MYPN: variants seen among roughly 807,000 people sequenced by gnomAD.
The protein encoded by MYPN is sarcomeric protein myopalladin, 145 kDa (MYOP).
In MYPN, 63 loss-of-function variants were observed where a neutral mutation model predicts 129.4. The ratio of observed to expected loss-of-function variants is 0.49; its 90% CI spans 0.40 to 0.60. The LOEUF (loss-of-function observed/expected upper bound fraction) is 0.60, where lower values mean the gene tolerates loss of function less well. MYPN is among the 20% of genes least tolerant of loss of function. MYPN has a pLI of 0.00. For missense variants in MYPN, 1,596 were observed against 1,635.4 expected (o/e 0.98, Z 0.42); for synonymous variants, 629 against 600.9 (o/e 1.05, Z -0.68).
intron 1 of MYPN, among the ~76,000 whole-genome samples, chr10:68,117,280 CA>C (rs1326746300): frequency 8.0e-6 from 1 of 125,564 alleles, no homozygotes; most frequent in African/African-American, 3.6e-5. Flanking sequence ...TTCTAATGAA[CA>C]CATAAATTCA....
chr10:68,175,625 TG>T (rs751655247), intron 12 of MYPN, among the ~76,000 whole-genome samples, 164 bp downstream of exon 12: 32 of 152,198 alleles, frequency 2.1e-4, no homozygotes, highest in Non-Finnish European at 3.5e-4. Context: ...CCTGCCTGTG[TG>T]GATCTGCGGT....
chr10:68,191,178 G>A (rs755800940), intron 13 of MYPN, among the ~76,000 whole-genome samples: 2 of 150,548 alleles, frequency 1.3e-5, no homozygotes, highest in Non-Finnish European at 3.0e-5. Context: ...GTGGTCTTTT[G>A]TGATTCCATA....
chr10:68,136,094 T>C (rs905339406), intron 2 of MYPN: 4 of 315,850 alleles, frequency 1.3e-5, no homozygotes, highest in African/African-American at 6.8e-5. Context: ...ATAATATTTA[T>C]CCAAGCCATA....
chr10:68,145,114 T>A (rs924785214), intron 3 of MYPN, among the ~76,000 whole-genome samples: 3 of 151,182 alleles, frequency 2.0e-5, no homozygotes, highest in African/African-American at 7.3e-5. Flanking sequence ...AACCTCCGCC[T>A]CCCGGGTTCA....
intron 6 of MYPN, among the ~76,000 whole-genome samples, chr10:68,156,321 C>T (rs1402187547): frequency 6.6e-6 from 1 of 152,162 alleles, no homozygotes; most frequent in African/African-American, 2.4e-5. Context: ...ACACAATTTG[C>T]TCAGAGGTCA....
chr10:68,112,333 CAT>C (rs773860555), intron 1 of MYPN, among the ~76,000 whole-genome samples: 16 of 152,332 alleles, frequency 1.1e-4, no homozygotes, highest in Admixed American at 6.5e-4. Context: ...CGCTTCCCTA[CAT>C]GTTTGTCATC....
At chr10:68,088,777 C>T (rs1407542960) in intron 1 of MYPN, among the ~76,000 whole-genome samples, 1 of 152,112 alleles carries the variant, frequency 6.6e-6, no homozygotes, top group African/African-American at 2.4e-5. Flanking sequence ...ATACACCATA[C>T]AATTCACCTG....
chr10:68,150,579 C>T (rs938309183), intron 6 of MYPN, among the ~76,000 whole-genome samples: 1 of 152,132 alleles, frequency 6.6e-6, no homozygotes, highest in Non-Finnish European at 1.5e-5. Flanking sequence ...GTTGAGGTGG[C>T]ATCAAATTCT....
intron 5 of MYPN, among the ~76,000 whole-genome samples, chr10:68,148,820 A>G (rs1226059318): frequency 6.6e-6 from 1 of 152,232 alleles, no homozygotes; most frequent in African/African-American, 2.4e-5. Context: ...GCTGCAGAGA[A>G]TTCCACTTTC....
intron 2 of MYPN, among the ~76,000 whole-genome samples, chr10:68,130,085 A>G (rs893006726): frequency 2.0e-5 from 3 of 152,104 alleles, no homozygotes; most frequent in African/African-American, 7.2e-5. Flanking sequence ...CTCTTGTTTT[A>G]TGAAGGGCCT....
intron 7 of MYPN, among the ~76,000 whole-genome samples, chr10:68,160,265 C>A (rs1222119016): frequency 6.7e-6 from 1 of 148,640 alleles, no homozygotes; most frequent in Non-Finnish European, 1.5e-5. Context: ...ACAACAAAAA[C>A]AAAAAAAACC....
chr10:68,189,925 T>C (rs911322937), intron 13 of MYPN, among the ~76,000 whole-genome samples: 10 of 152,156 alleles, frequency 6.6e-5, no homozygotes, highest in African/African-American at 2.4e-4. Context: ...CTATTTTTGG[T>C]TTTTGGAGAA....
chr10:68,148,968 G>A (rs1450609149), intron 5 of MYPN, among the ~76,000 whole-genome samples: 2 of 152,194 alleles, frequency 1.3e-5, no homozygotes, highest in Non-Finnish European at 2.9e-5. Flanking sequence ...GCTCACACCT[G>A]TGATCTCAGC....
Position 68,119,389 on chromosome 10 carries a change from ATTTATTTATTTATTT to A in MYPN, c.-1-2048_-1-2034del, listed in dbSNP as rs2042207237. On this transcript the variant is annotated intron_variant, in intron 1 of 19. Transcript: ENST00000358913. ...CTCCAACACCTTTGCATTTTATTTT[ATTTATTTATTTATTT>A]ATTTATTTATTTATTTATTTATTGA... Among the ~76,000 whole-genome samples, 3 of 52,314 alleles carry A rather than the reference ATTTATTTATTTATTT, an allele frequency of 5.7e-5. No individual in the cohort carries two copies. The East Asian group carries it at 2.1e-3, about 37-fold the overall frequency. The allele number at this position is 52,314 out of a possible 152,430, so 34.3% of individuals were successfully genotyped here. A position where few individuals can be genotyped will look rare whatever the true frequency, so the allele number is the denominator to read the frequency against.
chr10:68,095,483 G>T (rs1225462215), intron 1 of MYPN, among the ~76,000 whole-genome samples: 1 of 152,120 alleles, frequency 6.6e-6, no homozygotes, highest in African/African-American at 2.4e-5. Context: ...TGCAGACCAG[G>T]GTCTCCCTGC....
chr10:68,109,033 A>G (rs911797003), upstream of MYPN, among the ~76,000 whole-genome samples: 3 of 152,042 alleles, frequency 2.0e-5, no homozygotes, highest in Admixed American at 6.6e-5. Flanking sequence ...GGAATTTTTA[A>G]CGTTAGTTAC....
rs71541556 is a variant in MYPN, at chr10:68,211,460, G to A, written c.*1005G>A. 0.043 allele frequency: 19,622 copies of A among 454,068 alleles called. 586 individuals carry two copies. Among genetic ancestry groups the A allele is most frequent in the Admixed American group, 0.098 (4,159 of 42,564 alleles). The allele number at this position is 454,068 out of a possible 1,614,324, so 28.1% of individuals were successfully genotyped here. The stretch of plus-strand genomic sequence containing the variant: ...CCCAGCAGAGCAGGGGTTTTGGAAG[G>A]AGAGGTCTTTAATAGCTTTGAAATG... On this transcript the variant is annotated 3_prime_UTR_variant, in exon 20 of 20. Transcript: ENST00000358913.
At chr10:68,130,935 C>G (rs1433892043) in intron 2 of MYPN, among the ~76,000 whole-genome samples, 1 of 152,154 alleles carries the variant, frequency 6.6e-6, no homozygotes, top group Admixed American at 6.6e-5. Context: ...AATTGAAATT[C>G]CATAAACGTA....
intron 1 of MYPN, among the ~76,000 whole-genome samples, chr10:68,095,867 T>C (rs1034695795): frequency 1.3e-5 from 2 of 152,172 alleles, no homozygotes; most frequent in Non-Finnish European, 2.9e-5. Flanking sequence ...AATGTGAGTG[T>C]ACTCAATGCC....
Sources: gnomAD v4.1 joint callset for allele counts (sites outside exome capture counted in the v4.1 genomes callset) on GRCh38, gnomAD v4.1.1 for gene constraint, MANE v1.5 for transcripts, NCBI Gene and HGNC (gene_info 2026-07-23, HGNC 2026-07-21) for gene names.